FSTL5: variants seen among roughly 807,000 people sequenced by gnomAD.
FSTL5 encodes follistatin-related protein 5.
Under a neutral mutation model 89.1 loss-of-function variants are expected in FSTL5, and 62 were observed. The observed-to-expected ratio is 0.70, with a 90% CI of 0.57 to 0.86. The LOEUF (loss-of-function observed/expected upper bound fraction) is 0.86. Among genes scored for constraint, FSTL5 ranks in the 40% least tolerant of loss-of-function variants. FSTL5 has a pLI of 0.00. For synonymous variants in FSTL5, 383 were observed against 346.2 expected (o/e 1.11, Z -1.18); for missense variants, 1,057 against 1,001.6 (o/e 1.06, Z -0.75).
chr4:161,500,276 C>T (rs993467531), intron 11 of FSTL5, 142 bp from the exon 12 acceptor site: 1 of 571,904 alleles, frequency 1.7e-6, no homozygotes, highest in Non-Finnish European at 3.1e-6. Flanking sequence ...ATATGGGACC[C>T]TTACTGTATA....
intron 15 of FSTL5, among the ~76,000 whole-genome samples, chr4:161,391,910 A>G (rs1356814864): frequency 2.0e-5 from 3 of 152,208 alleles, no homozygotes; most frequent in Admixed American, 1.3e-4. Context: ...CTCCCACCTG[A>G]ATAAGTACAT....
intron 15 of FSTL5, among the ~76,000 whole-genome samples, chr4:161,452,431 G>A (rs1391621328): frequency 1.3e-5 from 2 of 151,562 alleles, no homozygotes; most frequent in African/African-American, 2.4e-5. Flanking sequence ...AGCTGAGATC[G>A]TGCCAATGTA....
At chr4:162,104,367 G>A (rs900389378) in intron 2 of FSTL5, among the ~76,000 whole-genome samples, 1 of 152,136 alleles carries the variant, frequency 6.6e-6, no homozygotes, top group East Asian at 1.9e-4. Flanking sequence ...AAGAACCCCA[G>A]GTCAGAGAAC....
intron 5 of FSTL5, among the ~76,000 whole-genome samples, chr4:161,761,278 T>G (rs1340646367): frequency 6.6e-6 from 1 of 152,178 alleles, no homozygotes; most frequent in Admixed American, 6.5e-5. Context: ...ATATTACAAT[T>G]TTTCTATTTA....
At chr4:162,136,316 G>T (rs1256167408) in intron 1 of FSTL5, among the ~76,000 whole-genome samples, 1 of 151,984 alleles carries the variant, frequency 6.6e-6, no homozygotes, top group African/African-American at 2.4e-5. Flanking sequence ...ATGAGAACCC[G>T]GTTATTAGAG....
intron 1 of FSTL5, among the ~76,000 whole-genome samples, chr4:162,126,951 T>C (rs369177884): frequency 6.6e-6 from 1 of 152,304 alleles, no homozygotes; most frequent in East Asian, 1.9e-4. Flanking sequence ...CTGAGAGCAT[T>C]GCAGATTCAG....
intron 6 of FSTL5, among the ~76,000 whole-genome samples, chr4:161,686,329 TA>T (rs1560789581): frequency 5.3e-3 from 42 of 7,982 alleles, no homozygotes; most frequent in South Asian, 8.3e-3. Context: ...TATATATATA[TA>T]TATATATATA....
chr4:161,517,048 C>T (rs1730868488), intron 10 of FSTL5, among the ~76,000 whole-genome samples: 1 of 152,052 alleles, frequency 6.6e-6, no homozygotes, highest in Non-Finnish European at 1.5e-5. Context: ...GCCACCATAC[C>T]TGGCTAATTT....
intron 7 of FSTL5, among the ~76,000 whole-genome samples, chr4:161,603,437 G>A (rs1734323547): frequency 6.6e-6 from 1 of 152,080 alleles, no homozygotes; most frequent in Admixed American, 6.6e-5. Context: ...CTACTTGCAA[G>A]CAGCAAGGAA....
chr4:161,489,835 T>A (rs1426883189), intron 12 of FSTL5, among the ~76,000 whole-genome samples: 2 of 152,160 alleles, frequency 1.3e-5, no homozygotes, highest in South Asian at 2.1e-4. Flanking sequence ...TTCAACCTTT[T>A]CATTAAACTT....
At chr4:161,564,897 A>G (rs1732744906) in intron 8 of FSTL5, among the ~76,000 whole-genome samples, 1 of 151,912 alleles carries the variant, frequency 6.6e-6, no homozygotes, top group African/African-American at 2.4e-5. Context: ...ATTCAATAGC[A>G]TAAATTATCT....
chr4:161,965,263 T>C (rs886903739), intron 3 of FSTL5, among the ~76,000 whole-genome samples: 3 of 152,108 alleles, frequency 2.0e-5, no homozygotes, highest in African/African-American at 4.8e-5. Context: ...TTACAAGTTA[T>C]CCAAATTAAT....
intron 2 of FSTL5, among the ~76,000 whole-genome samples, chr4:162,057,634 G>A (rs1232948608): frequency 6.6e-6 from 1 of 152,054 alleles, no homozygotes; most frequent in Non-Finnish European, 1.5e-5. Flanking sequence ...TATATTCAAT[G>A]TATGTTTATA....
rs531212038 is a variant in FSTL5, at chr4:161,517,600, T to C, written c.1313-7176A>G. ...TATGCTACCTCTATAAAGAAACGTA[T>C]GTGGAGAGTTGAATGATGTTATATA... On this transcript the variant is annotated intron_variant, in intron 10 of 15. Transcript: ENST00000306100. Among the ~76,000 whole-genome samples, 6 of 147,036 alleles carry C rather than the reference T, an allele frequency of 4.1e-5. No individual in the cohort carries two copies. In the East Asian group the frequency reaches 8.7e-4, roughly 21 times the overall value.
intron 4 of FSTL5, among the ~76,000 whole-genome samples, chr4:161,879,526 C>T (rs141973207): frequency 3.6e-4 from 55 of 152,268 alleles, no homozygotes; most frequent in African/African-American, 1.2e-3. Context: ...TGCAAATCTC[C>T]GCAAGAGCCT....
chr4:162,023,941 A>T (rs541534173), intron 3 of FSTL5, among the ~76,000 whole-genome samples: 1 of 152,186 alleles, frequency 6.6e-6, no homozygotes, highest in South Asian at 2.1e-4. Context: ...CATTCCATAA[A>T]AGACCCTGCT....
In FSTL5 at chr4:161,386,332, T is replaced by A. The variant is rs200636838; in HGVS notation, c.1959A>T (p.Ala653=). ...KDYKCVPQSL[A]YTHLGGYYFI... ...AGTAGTAGCCTCCCAAGTGTGTATATGCCAATGACTGAGGAACGCACTTAT... is the reference window on the plus strand; with the variant it reads ...AGTAGTAGCCTCCCAAGTGTGTATAAGCCAATGACTGAGGAACGCACTTAT... Residue 653 remains alanine (A), a synonymous_variant, in exon 16 of 16, where the codon GCA becomes GCT. Coordinates refer to ENST00000306100, the MANE Select transcript of FSTL5 (RefSeq NM_020116.5). 9 of 1,613,996 alleles carry A rather than the reference T, an allele frequency of 5.6e-6. No homozygotes were observed. In the South Asian group the frequency reaches 9.9e-5, roughly 18 times the overall value.
chr4:161,879,984 T>G (rs894803863), intron 4 of FSTL5, among the ~76,000 whole-genome samples: 1 of 152,224 alleles, frequency 6.6e-6, no homozygotes, highest in Admixed American at 6.5e-5. Flanking sequence ...GAATTACTAC[T>G]TAAAGGTGAG....
intron 4 of FSTL5, among the ~76,000 whole-genome samples, chr4:161,792,941 G>T (rs577132933): frequency 6.6e-6 from 1 of 152,228 alleles, no homozygotes; most frequent in Non-Finnish European, 1.5e-5. Context: ...GGAGAGAAGA[G>T]CTGTGGCCCT....
Sources: allele counts gnomAD v4.1 joint callset (sites outside exome capture counted in the v4.1 genomes callset), GRCh38; gene constraint gnomAD v4.1.1; transcripts MANE v1.5; gene names NCBI Gene and HGNC (gene_info 2026-07-23, HGNC 2026-07-21).